DACH2: variants seen among roughly 807,000 people sequenced by gnomAD.
The protein encoded by DACH2 is dachshund homolog 2.
Under a neutral mutation model 35.8 loss-of-function variants are expected in DACH2, and 17 were observed. That is an observed-to-expected ratio of 0.48 (90% confidence interval 0.33 to 0.71). The LOEUF (loss-of-function observed/expected upper bound fraction) is 0.71, where lower values mean the gene tolerates loss of function less well. DACH2 is among the 30% of genes least tolerant of loss of function. The pLI, the probability that DACH2 is intolerant of heterozygous loss-of-function variation, is 0.02. For missense variants in DACH2, 469 were observed against 472.7 expected, an observed-to-expected ratio of 0.99 and a Z score of 0.07; for synonymous variants, 195 against 177.3, an observed-to-expected ratio of 1.10 and a Z score of -0.79.
At chrX:86,291,481 G>A (rs1308380881) in intron 1 of DACH2, among the ~76,000 whole-genome samples, 1 of 104,363 alleles carries the variant, frequency 9.6e-6, no homozygotes, top group Non-Finnish European at 1.9e-5. Flanking sequence ...AGTGGTGAGA[G>A]AGGGCATCCC....
chrX:86,777,036 T>C (rs938094831), intron 7 of DACH2, among the ~76,000 whole-genome samples: 4 of 111,828 alleles, frequency 3.6e-5, no homozygotes, highest in African/African-American at 1.3e-4. Context: ...TGAATAGTGC[T>C]GCAGTAAACA....
intron 3 of DACH2, among the ~76,000 whole-genome samples, chrX:86,555,778 T>A (rs979902044): frequency 3.6e-5 from 4 of 111,565 alleles, no homozygotes; most frequent in African/African-American, 1.3e-4. Flanking sequence ...TTTAAAAAAA[T>A]GTAACATAAA....
intron 7 of DACH2, among the ~76,000 whole-genome samples, chrX:86,744,523 T>C (rs781774463): frequency 1.1e-4 from 12 of 111,633 alleles, no homozygotes; most frequent in Non-Finnish European, 5.7e-5. Context: ...TTAAAAATGA[T>C]TTATAGCTCT....
At chrX:86,562,980 G>T (rs756634031) in intron 3 of DACH2, among the ~76,000 whole-genome samples, 1 of 111,119 alleles carries the variant, frequency 9.0e-6, no homozygotes, top group Non-Finnish European at 1.9e-5. Flanking sequence ...ATTGTAAATC[G>T]CCAAATGATA....
intron 1 of DACH2, among the ~76,000 whole-genome samples, chrX:86,182,369 G>A (rs1409276717): frequency 1.8e-5 from 2 of 108,979 alleles, no homozygotes; most frequent in African/African-American, 3.4e-5. Flanking sequence ...TGTATAAGGT[G>A]TAAGGAAGGG....
At chrX:86,330,469 C>T (rs2035192418) in intron 1 of DACH2, among the ~76,000 whole-genome samples, 1 of 111,576 alleles carries the variant, frequency 9.0e-6, no homozygotes, top group South Asian at 3.7e-4. Context: ...GCCTCAGAAT[C>T]AGCTTTCTAC....
In DACH2 at chrX:86,550,416, A is replaced by G. The variant is rs752197045; in HGVS notation, c.640+36025A>G. Among the ~76,000 whole-genome samples the G allele has an allele frequency of 5.4e-5, 6 of 111,446 alleles. No homozygotes were observed. The South Asian group carries it at 2.3e-3, about 43-fold the overall frequency. ...TTGAGTATGTTAAGTGTAGAATAAC[A>G]GCTTCTAGGAGTAAACTATTAGATA... On this transcript the variant is annotated intron_variant, in intron 3 of 11. Transcript: ENST00000373125.
intron 2 of DACH2, among the ~76,000 whole-genome samples, chrX:86,403,484 A>G (rs1465617589): frequency 8.9e-6 from 1 of 112,213 alleles, no homozygotes; most frequent in Non-Finnish European, 1.9e-5. Context: ...ACCATTTCAC[A>G]TCAGTCAGAA....
intron 2 of DACH2, among the ~76,000 whole-genome samples, chrX:86,444,785 A>AT (rs1201800479): frequency 1.8e-5 from 2 of 109,405 alleles, no homozygotes; most frequent in Non-Finnish European, 3.8e-5. Flanking sequence ...TTCTTCTATG[A>AT]TTTTTTAATT....
intron 6 of DACH2, among the ~76,000 whole-genome samples, chrX:86,736,442 C>T (rs1204560639): frequency 8.9e-6 from 1 of 111,868 alleles, no homozygotes; most frequent in Non-Finnish European, 1.9e-5. Context: ...GAAGGAGTTT[C>T]AGCATAAATT....
chrX:86,529,795 C>T, intron 3 of DACH2, among the ~76,000 whole-genome samples: 1 of 111,173 alleles, frequency 9.0e-6, no homozygotes, highest in Admixed American at 9.6e-5. Context: ...TTAGCTCCCT[C>T]ATATGAGTGA....
At chrX:86,153,106 T>C (rs1341945557) in intron 1 of DACH2, among the ~76,000 whole-genome samples, 1 of 111,875 alleles carries the variant, frequency 8.9e-6, no homozygotes, top group African/African-American at 3.2e-5. Context: ...CAGCATTTAA[T>C]TTTGTTTGAG....
intron 1 of DACH2, among the ~76,000 whole-genome samples, chrX:86,324,218 T>C (rs1162830724): frequency 8.9e-6 from 1 of 111,732 alleles, no homozygotes; most frequent in African/African-American, 3.3e-5. Flanking sequence ...CCTATAACAG[T>C]AGAAAGAGCA....
At chrX:86,457,789 C>T (rs772963963) in intron 2 of DACH2, among the ~76,000 whole-genome samples, 78 of 111,674 alleles carry the variant, frequency 7.0e-4, no homozygotes, top group African/African-American at 2.2e-3. Context: ...TGAGTAGATG[C>T]GTGGGCAAGT....
At chrX:86,276,457 A>G (rs922352959) in intron 1 of DACH2, among the ~76,000 whole-genome samples, 2 of 111,374 alleles carry the variant, frequency 1.8e-5, no homozygotes, top group African/African-American at 3.3e-5. Context: ...GTGGTTTACA[A>G]ATATTTTCTC....
chrX:86,612,276 C>G (rs1430830752), intron 3 of DACH2, among the ~76,000 whole-genome samples: 6 of 107,012 alleles, frequency 5.6e-5, no homozygotes, highest in Non-Finnish European at 1.2e-4. Flanking sequence ...TCTCTTCAAG[C>G]AGAAGGATGG....
chrX:86,270,911 A>C (rs910416126), intron 1 of DACH2, among the ~76,000 whole-genome samples: 5 of 111,901 alleles, frequency 4.5e-5, no homozygotes, highest in Non-Finnish European at 9.4e-5. Context: ...TTCTTTTTAA[A>C]AGAAATAAAA....
At chrX:86,369,771 G>T (rs911364081) in intron 1 of DACH2, among the ~76,000 whole-genome samples, 42 of 111,110 alleles carry the variant, frequency 3.8e-4, no homozygotes, top group Admixed American at 2.4e-3. Context: ...CAGTATATTT[G>T]CTGCCATCAA....
intron 1 of DACH2, among the ~76,000 whole-genome samples, chrX:86,163,010 A>G (rs928157391): frequency 2.1e-4 from 23 of 111,073 alleles, no homozygotes; most frequent in African/African-American, 7.5e-4. Context: ...AGAGTGGGGT[A>G]TCCCTCCACT....
Sources: gnomAD v4.1 joint callset for allele counts (sites outside exome capture counted in the v4.1 genomes callset) on GRCh38, gnomAD v4.1.1 for gene constraint, MANE v1.5 for transcripts, NCBI Gene and HGNC (gene_info 2026-07-23, HGNC 2026-07-21) for gene names.